Variants in ATP6V1G3 observed in about 807,000 individuals in gnomAD.
ATP6V1G3 encodes the protein V-type proton ATPase subunit G 3.
Under a neutral mutation model 9.3 loss-of-function variants are expected in ATP6V1G3, and 9 were observed. The ratio of observed to expected loss-of-function variants is 0.97; its 90% confidence interval spans 0.59 to 1.69. The LOEUF is 1.69. Among genes scored for constraint, ATP6V1G3 ranks in the 40% most tolerant of loss-of-function variants. The pLI, the probability that ATP6V1G3 is intolerant of heterozygous loss-of-function variation, is 0.00. For synonymous variants in ATP6V1G3, 43 were observed against 43.8 expected (o/e 0.98, Z 0.07); for missense variants, 133 against 139.0 (o/e 0.96, Z 0.22).
At chr1:198,537,917 A>G (rs1277110511) in intron 1 of ATP6V1G3, among the ~76,000 whole-genome samples, 1 of 152,228 alleles carries the variant, frequency 6.6e-6, no homozygotes, top group Non-Finnish European at 1.5e-5. Flanking sequence ...CTATTTTGCC[A>G]TAGATCGCTT....
chr1:198,536,675 T>C (rs1660124104), intron 1 of ATP6V1G3: 1 of 1,597,382 alleles, frequency 6.3e-7, no homozygotes, highest in South Asian at 1.1e-5. Flanking sequence ...TCTAGTCATC[T>C]TACCAGAAGC....
rs1660305454 is a variant in ATP6V1G3 at position 198,540,566 on chromosome 1, T to C, written c.82+3A>G. 6.2e-7 allele frequency: 1 copy of C among 1,612,118 alleles called. No homozygotes were observed. Among genetic ancestry groups the C allele is most frequent in the Non-Finnish European group, 8.5e-7 (1 of 1,179,344 alleles). ...TGACAGACCCCTCACAGGTGAGACT[T>C]ACTCTTCTTGGCTTCCTCTAGCTTG... On this transcript the variant is annotated splice_donor_region_variant and intron_variant, in intron 1 of 2. Transcript: ENST00000367382.
At chr1:198,539,722 A>T (rs1660269030) in intron 1 of ATP6V1G3, among the ~76,000 whole-genome samples, 1 of 152,214 alleles carries the variant, frequency 6.6e-6, no homozygotes, top group Admixed American at 6.5e-5. Flanking sequence ...GTTGTGAGGA[A>T]TAAAGATAAG....
At chr1:198,528,122 A>G (rs1438520546) in intron 2 of ATP6V1G3, among the ~76,000 whole-genome samples, 1 of 152,136 alleles carries the variant, frequency 6.6e-6, no homozygotes, top group African/African-American at 2.4e-5. Context: ...GGAGTGTTGT[A>G]TGAACTTAGG....
intron 1 of ATP6V1G3, among the ~76,000 whole-genome samples, chr1:198,537,051 C>A (rs1350928175): frequency 6.6e-6 from 1 of 152,178 alleles, no homozygotes; most frequent in Non-Finnish European, 1.5e-5. Context: ...CCCAGTCTGA[C>A]TTCCGAAGCC....
At chr1:198,525,291 A>AAAATT (rs1029662906) in intron 2 of ATP6V1G3, among the ~76,000 whole-genome samples, 1 of 152,184 alleles carries the variant, frequency 6.6e-6, no homozygotes, top group African/African-American at 2.4e-5. Context: ...CTAGTGGTAA[A>AAAATT]AAATTAAAAA....
At chr1:198,535,436 AATT>A (rs1660070540) in intron 1 of ATP6V1G3, among the ~76,000 whole-genome samples, 1 of 152,070 alleles carries the variant, frequency 6.6e-6, no homozygotes, top group Non-Finnish European at 1.5e-5. Flanking sequence ...GATTTAAAAA[AATT>A]ATTGATGGTT....
In ATP6V1G3 at chr1:198,523,982, T is replaced by TA. The variant is rs567320557; in HGVS notation, c.184-419dup. Among the ~76,000 whole-genome samples, 9 of 152,308 alleles carry TA rather than the reference T, an allele frequency of 5.9e-5. No individual in the cohort carries two copies. The East Asian group carries it at 1.5e-3, about 26-fold the overall frequency. ...CATTAAACTCACTTTTGCTGTTTTT[T>TA]AAAGAGTGTTTAAAAGTTTTAAACA... On this transcript the variant is annotated intron_variant, in intron 2 of 2. Transcript: ENST00000367382.
At chr1:198,536,608 G>T in intron 1 of ATP6V1G3, 1 of 1,311,136 alleles carries the variant, frequency 7.6e-7, no homozygotes, top group Non-Finnish European at 1.1e-6. Context: ...ATGAGTGAGA[G>T]CTTTAACTAA....
At chr1:198,526,490 T>C (rs892554011) in intron 2 of ATP6V1G3, among the ~76,000 whole-genome samples, 7 of 152,298 alleles carry the variant, frequency 4.6e-5, no homozygotes, top group East Asian at 1.9e-4. Context: ...GATAATTCTG[T>C]AACATGTCAT....
chr1:198,540,514 C>T, intron 1 of ATP6V1G3, 55 bp downstream of exon 1: 1 of 1,562,212 alleles, frequency 6.4e-7, no homozygotes, highest in East Asian at 2.2e-5. Flanking sequence ...ATGCTTATCC[C>T]TGCATTCCAC....
intron 1 of ATP6V1G3, among the ~76,000 whole-genome samples, chr1:198,534,715 A>T (rs767408440): frequency 2.6e-5 from 4 of 152,206 alleles, no homozygotes; most frequent in Admixed American, 6.5e-5. Flanking sequence ...TATTTGCTGT[A>T]TAAACAAAGG....
At chr1:198,536,817 T>C (rs1660131756) in intron 1 of ATP6V1G3, 2 of 980,362 alleles carry the variant, frequency 2.0e-6, no homozygotes, top group African/African-American at 1.6e-5. Context: ...CAAAAATACA[T>C]GACATATATT....
intron 1 of ATP6V1G3, among the ~76,000 whole-genome samples, chr1:198,537,730 C>A (rs374066937): frequency 6.6e-6 from 1 of 152,116 alleles, no homozygotes; most frequent in East Asian, 1.9e-4. Context: ...GTCATTTGTG[C>A]ATTTATCTCA....
chr1:198,540,727 T>C, upstream of ATP6V1G3: 1 of 1,387,986 alleles, frequency 7.2e-7, no homozygotes, highest in Non-Finnish European at 1.0e-6. Context: ...GAAATTAACA[T>C]ATAACTCAGA....
At chr1:198,526,215 T>A (rs1659645852) in intron 2 of ATP6V1G3, among the ~76,000 whole-genome samples, 1 of 152,196 alleles carries the variant, frequency 6.6e-6, no homozygotes, top group Non-Finnish European at 1.5e-5. Context: ...CATATCTTGA[T>A]ATCTGCAGAC....
At position 198,533,101 on chromosome 1, in the gene ATP6V1G3, C is replaced by T. The variant is rs576569130; in HGVS notation, c.83-3920G>A. On this transcript the variant is annotated intron_variant, in intron 1 of 2. Transcript: ENST00000367382. Reference sequence around the variant, plus strand: ...CAGGTGGATCATGAGGTCAAGAGATCGAGACTATCCTGGCCAACATGGTGA... The same window carrying T: ...CAGGTGGATCATGAGGTCAAGAGATTGAGACTATCCTGGCCAACATGGTGA... Among the ~76,000 whole-genome samples, 94 of 151,842 alleles carry T rather than the reference C, an allele frequency of 6.2e-4. 2 individuals carry two copies. Among genetic ancestry groups the T allele is most frequent in the Middle Eastern group, 3.4e-3 (1 of 294 alleles).
intron 1 of ATP6V1G3, among the ~76,000 whole-genome samples, chr1:198,534,972 G>A (rs1162769563): frequency 6.6e-6 from 1 of 152,102 alleles, no homozygotes; most frequent in Non-Finnish European, 1.5e-5. Context: ...CACTGCTAGA[G>A]CTTCTCTTAC....
intron 2 of ATP6V1G3, among the ~76,000 whole-genome samples, chr1:198,526,596 A>G (rs1283011876): frequency 6.6e-6 from 1 of 152,160 alleles, no homozygotes; most frequent in African/African-American, 2.4e-5. Flanking sequence ...CAGCATAATG[A>G]CTGATGGTGA....
Sources: allele counts gnomAD v4.1 joint callset (sites outside exome capture counted in the v4.1 genomes callset), GRCh38; gene constraint gnomAD v4.1.1; transcripts MANE v1.5; gene names NCBI Gene and HGNC (gene_info 2026-07-23, HGNC 2026-07-21).